COL5A1: variants seen among roughly 807,000 people sequenced by gnomAD.
The protein encoded by COL5A1 is collagen type V alpha 1 chain.
In COL5A1, 16 loss-of-function variants were observed where a neutral mutation model predicts 263.7. The observed-to-expected ratio is 0.06, with a 90% CI of 0.04 to 0.09. The LOEUF is 0.09. Ranked by LOEUF, COL5A1 falls within the 10% of genes least tolerant of loss-of-function variation. COL5A1 has a pLI of 1.00. For synonymous variants in COL5A1, 1,012 were observed against 1,004.5 expected, an observed-to-expected ratio of 1.01 and a Z score of -0.14; for missense variants, 2,036 against 2,540.5, an observed-to-expected ratio of 0.80 and a Z score of 4.27.
At chr9:134,689,888 G>A (rs949565585) in intron 1 of COL5A1, among the ~76,000 whole-genome samples, 7 of 152,170 alleles carry the variant, frequency 4.6e-5, no homozygotes, top group Admixed American at 4.6e-4. Flanking sequence ...TTTCTCTGCC[G>A]GGACTCCCAG....
intron 19 of COL5A1, among the ~76,000 whole-genome samples, chr9:134,762,779 G>T (rs917986817): frequency 3.3e-5 from 5 of 152,196 alleles, no homozygotes; most frequent in Admixed American, 1.3e-4. Context: ...CGGGGCACCT[G>T]CTCCTGTGTG....
At position 134,796,830 on chromosome 9, in the gene COL5A1, GC is replaced by G. The variant is rs1564465044; in HGVS notation, c.2845-16del. 6.2e-7 allele frequency: 1 copy of G among 1,613,730 alleles called. No homozygotes were observed. The highest frequency in any genetic ancestry group is 1.7e-5 in the Admixed American group (1 of 60,030). Reference sequence around the variant, plus strand: ...GGAGAGACCTCTTGTCCTCAAACTGGCCTTTCTCTGTTCCCAGGGACCCAAT... The same window carrying G: ...GGAGAGACCTCTTGTCCTCAAACTGGCTTTCTCTGTTCCCAGGGACCCAAT... On this transcript the variant is annotated splice_polypyrimidine_tract_variant and intron_variant, in intron 35 of 65. Transcript: ENST00000371817.
intron 24 of COL5A1, 108 bp from the exon 25 acceptor site, chr9:134,768,302 G>A (rs1836748891): frequency 9.6e-7 from 1 of 1,037,354 alleles, no homozygotes; most frequent in African/African-American, 1.6e-5. Context: ...ACACTTCTCA[G>A]CAAATGCTGT....
chr9:134,753,759 T>TCCCCCAGCCCCACCCCAGCCCCCCCC, intron 14 of COL5A1, 91 bp from the exon 15 acceptor site: 1 of 540,648 alleles, frequency 1.8e-6, no homozygotes. Context: ...CCCTGTCCCC[T>TCCCCCAGCCCCACCCCAGCCCCCCCC]CCCCCTGCCC....
intron 4 of COL5A1, among the ~76,000 whole-genome samples, chr9:134,724,730 CAGCCACCGCGGCTGCAGGCCAG>C (rs1407481718): frequency 6.6e-6 from 1 of 152,206 alleles, no homozygotes; most frequent in Admixed American, 6.5e-5. Context: ...AGCCACGTCA[CAGCCACCGCGGCTGCAGGCCAG>C]AGTCTTCAAG....
At chr9:134,746,122 C>A (rs1355951495) in intron 11 of COL5A1, among the ~76,000 whole-genome samples, 1 of 152,226 alleles carries the variant, frequency 6.6e-6, no homozygotes, top group Non-Finnish European at 1.5e-5. Flanking sequence ...CTTCAGCCCA[C>A]CGCGCGTGGT....
In COL5A1 at chr9:134,772,530, T is replaced by G. The variant is rs12685359; in HGVS notation, c.2287-260T>G. On this transcript the variant is annotated intron_variant, in intron 25 of 65. Transcript: ENST00000371817. ...GCATACTCCCCGCAAGTCTCTGGCC[T>G]TGGCCGGGGTTGGGCCAGGGTCAGG... 0.28 allele frequency among the ~76,000 whole-genome samples: 43,306 copies of G among 152,190 alleles called. 6,553 individuals are homozygous for G. The highest frequency in any genetic ancestry group is 0.62 in the East Asian group (3,190 of 5,132).
intron 65 of COL5A1, among the ~76,000 whole-genome samples, chr9:134,839,109 C>T (rs1033529875): frequency 6.6e-6 from 1 of 152,242 alleles, no homozygotes; most frequent in Non-Finnish European, 1.5e-5. Context: ...ATTGTAATAA[C>T]GGCCGAAGAA....
intron 18 of COL5A1, among the ~76,000 whole-genome samples, chr9:134,760,929 A>C (rs1171337254): frequency 6.7e-6 from 1 of 148,296 alleles, no homozygotes; most frequent in East Asian, 2.0e-4. Flanking sequence ...ACGTACACAC[A>C]TGCACACACA....
intron 31 of COL5A1, among the ~76,000 whole-genome samples, chr9:134,788,284 G>A (rs1837536544): frequency 6.6e-6 from 1 of 151,516 alleles, no homozygotes; most frequent in African/African-American, 2.4e-5. Context: ...GAATGGATGG[G>A]TGGGCAGGTA....
chr9:134,725,278 G>C (rs190041710), intron 4 of COL5A1, among the ~76,000 whole-genome samples: 1 of 152,172 alleles, frequency 6.6e-6, no homozygotes, highest in Non-Finnish European at 1.5e-5. Flanking sequence ...ACAGGTCCTC[G>C]GTTTCCTCTG....
In COL5A1 at chr9:134,824,514, G is replaced by A. The variant is rs941526273; in HGVS notation, c.4699-86G>A. On this transcript the variant is annotated intron_variant, in intron 61 of 65. Transcript: ENST00000371817. Reference sequence around the variant, plus strand: ...CAGGCCCCAGGGAACCCCTGCAGATGTGGCCCCAGCTGTCCCTGCTCTGCT... The same window carrying A: ...CAGGCCCCAGGGAACCCCTGCAGATATGGCCCCAGCTGTCCCTGCTCTGCT... 6 of 1,562,574 alleles carry A rather than the reference G, an allele frequency of 3.8e-6. No individual in the cohort carries two copies. In the Admixed American group the frequency reaches 8.6e-5, roughly 22 times the overall value.
Position 134,728,821 on chromosome 9 carries a change from G to C in COL5A1, c.924+14G>C, listed in dbSNP as rs200595318. 5.0e-6 allele frequency: 8 copies of C among 1,613,822 alleles called. No individual in the cohort carries two copies. The highest frequency in any genetic ancestry group is 1.1e-5 in the South Asian group (1 of 91,082). ...GAGGTCCCCGAGGTCTGGGCTGAGC[G>C]GGGGACTGGGTTGGGCTGGGCCCCT... On this transcript the variant is annotated intron_variant, in intron 6 of 65. Transcript: ENST00000371817.
At position 134,677,340 on chromosome 9, in the gene COL5A1, G is replaced by A. The variant is rs1336347360; in HGVS notation, c.110-13572G>A. Among the ~76,000 whole-genome samples the A allele has an allele frequency of 1.3e-5, 2 of 152,118 alleles. No homozygotes were observed. Among genetic ancestry groups the A allele is most frequent in the African/African-American group, 4.8e-5 (2 of 41,426 alleles). On this transcript the variant is annotated intron_variant, in intron 1 of 65. Coordinates refer to ENST00000371817, the MANE Select transcript of COL5A1 (RefSeq NM_000093.5). This position sits in a 1 kb window ranked among gnomAD's most constrained non-coding sequence, Gnocchi z 4.4. Reference sequence around the variant, plus strand: ...CCTGCAGGGGAAAAGGCTCAGGGTGGTGGAGCTGCCCTTGGTTCTCAGGTA... The same window carrying A: ...CCTGCAGGGGAAAAGGCTCAGGGTGATGGAGCTGCCCTTGGTTCTCAGGTA...
chr9:134,768,182 G>A (rs755502350), intron 24 of COL5A1, among the ~76,000 whole-genome samples: 2 of 152,222 alleles, frequency 1.3e-5, no homozygotes, highest in Non-Finnish European at 2.9e-5. Context: ...TTGGTGGACT[G>A]ATTCCGTTCC....
intron 32 of COL5A1, among the ~76,000 whole-genome samples, chr9:134,792,445 A>C (rs1455249695): frequency 1.3e-5 from 2 of 151,998 alleles, no homozygotes; most frequent in African/African-American, 2.4e-5. Flanking sequence ...GTGCGATCTC[A>C]GCTCACTGCA....
chr9:134,810,061 G>A (rs935593932), intron 43 of COL5A1, among the ~76,000 whole-genome samples, 194 bp from the exon 44 acceptor site: 2 of 152,202 alleles, frequency 1.3e-5, no homozygotes, highest in African/African-American at 4.8e-5. Flanking sequence ...ATCAGATCGA[G>A]ACCTCGTCCC....
intron 29 of COL5A1, among the ~76,000 whole-genome samples, chr9:134,784,348 G>A (rs1837370112): frequency 6.6e-6 from 1 of 152,244 alleles, no homozygotes; most frequent in Non-Finnish European, 1.5e-5. Flanking sequence ...GCTGGACAAA[G>A]AGTGCCGGGA....
intron 48 of COL5A1, among the ~76,000 whole-genome samples, chr9:134,813,178 C>T (rs1838605241): frequency 1.3e-5 from 2 of 151,442 alleles, no homozygotes; most frequent in African/African-American, 4.9e-5. Flanking sequence ...ACTCCATGAG[C>T]GTCATGGACC....
Sources: gnomAD v4.1 joint callset for allele counts (sites outside exome capture counted in the v4.1 genomes callset) on GRCh38, gnomAD v4.1.1 for gene constraint, Gnocchi (gnomAD v3.1) non-coding constraint, MANE v1.5 for transcripts, NCBI Gene and HGNC (gene_info 2026-07-23, HGNC 2026-07-21) for gene names.